FXYD4: variants seen among roughly 807,000 people sequenced by gnomAD.
The protein encoded by FXYD4 is FXYD domain containing ion transport regulator 4, also known as FXYD domain-containing ion transport regulator 4.
Under a neutral mutation model 18.3 loss-of-function variants are expected in FXYD4, and 14 were observed. That is an observed-to-expected ratio of 0.77 (90% CI 0.51 to 1.20). The LOEUF (loss-of-function observed/expected upper bound fraction) is 1.20. Ranked by LOEUF, FXYD4 falls within the 50% of genes most tolerant of loss-of-function variation. The pLI, the probability that FXYD4 is intolerant of heterozygous loss-of-function variation, is 0.00. For synonymous variants in FXYD4, 40 were observed against 40.5 expected (o/e 0.99, Z 0.04); for missense variants, 99 against 106.1 (o/e 0.93, Z 0.29).
Position 43,373,784 on chromosome 10 carries a change from G to T in FXYD4, c.37+1G>T, listed in dbSNP as rs769157659. 7 of 1,604,550 alleles carry T rather than the reference G, an allele frequency of 4.4e-6. No individual in the cohort carries two copies. The African/African-American group carries it at 6.7e-5, about 15-fold the overall frequency. On this transcript the variant is annotated splice_donor_variant, in intron 3 of 8. Coordinates refer to ENST00000476166, the MANE Select transcript of FXYD4 (RefSeq NM_173160.3). LOFTEE classifies it high-confidence loss of function. ...ACCCTGGCCCTTCTCCTACTGGCAG[G>T]TGAGTCCTCCCAGTCTCCTGGGACC...
rs985081431 is a variant in FXYD4, at chr10:43,374,664, A to C, written c.97+25A>C. The C allele has an allele frequency of 5.7e-6, 9 of 1,586,114 alleles. No individual in the cohort carries two copies. The African/African-American group carries it at 1.1e-4, about 19-fold the overall frequency. On this transcript the variant is annotated intron_variant, in intron 5 of 8. Transcript: ENST00000476166. ...GGTAAGAGCTGATATTCCCACCCCC[A>C]CCCTACCCTTGCCTATCCTGGACCT...
intron 1 of FXYD4, among the ~76,000 whole-genome samples, chr10:43,372,096 T>C (rs1329327837): frequency 6.6e-6 from 1 of 151,286 alleles, no homozygotes; most frequent in Admixed American, 6.6e-5. Flanking sequence ...AAATGTGACC[T>C]AGAGTTGAGA....
intron 7 of FXYD4, 143 bp downstream of exon 7, chr10:43,375,877 CA>C: frequency 8.3e-7 from 1 of 1,211,912 alleles, no homozygotes; most frequent in Non-Finnish European, 1.2e-6. Context: ...TGAAGGGCCC[CA>C]GTCAGGAAAG....
At chr10:43,375,985 G>A in intron 7 of FXYD4, 47 bp from the exon 8 acceptor site, 1 of 1,599,096 alleles carries the variant, frequency 6.3e-7, no homozygotes, top group Non-Finnish European at 8.6e-7. Flanking sequence ...AGGGGAGAAG[G>A]TCCTCCAGGC....
chr10:43,373,153 T>C (rs1174332524), intron 2 of FXYD4, among the ~76,000 whole-genome samples: 1 of 152,044 alleles, frequency 6.6e-6, no homozygotes, highest in Non-Finnish European at 1.5e-5. Flanking sequence ...CTTGCTTTTG[T>C]GGAGGCTCTC....
chr10:43,373,680 GAT>G lies in FXYD4; in HGVS notation c.-66_-65del, dbSNP rs1382841493. ...CCAATTGAGCTGTGAGCCTGGAGCA[GAT>G]CCGTGGGCTGCAGACCCCCGCCCCA... On this transcript the variant is annotated 5_prime_UTR_variant, in exon 3 of 9. The change abolishes the stop of an existing upstream ORF in the 5' untranslated region. Transcript: ENST00000476166. The G allele has an allele frequency of 9.8e-6, 9 of 917,004 alleles. No homozygotes were observed. In the East Asian group the frequency reaches 1.9e-4, roughly 19 times the overall value. 56.8% of individuals were successfully genotyped at this position (917,004 alleles called of 1,614,324 possible).
At position 43,374,459 on chromosome 10, in the gene FXYD4, C is replaced by T. The variant is rs1477059115; in HGVS notation, c.38-11C>T. On this transcript the variant is annotated splice_polypyrimidine_tract_variant and intron_variant, in intron 3 of 8. Transcript: ENST00000476166. ...GAATTCCCACACATTTTCTCTGCTC[C>T]TCCCACACAGGCCTGACTGCCTTGG... The T allele has an allele frequency of 1.2e-6, 2 of 1,613,792 alleles. No individual in the cohort carries two copies. The highest frequency in any genetic ancestry group is 1.7e-5 in the Admixed American group (1 of 59,996).
At chr10:43,375,019 T>A (rs1588981401) in intron 5 of FXYD4, among the ~76,000 whole-genome samples, 1 of 140,928 alleles carries the variant, frequency 7.1e-6, no homozygotes, top group Non-Finnish European at 1.5e-5. Context: ...GCATGTCCAC[T>A]TCTTTTTTTT....
chr10:43,373,826 A>C (rs760565245), intron 3 of FXYD4, 43 bp downstream of exon 3: 1 of 1,384,604 alleles, frequency 7.2e-7, no homozygotes, highest in African/African-American at 1.4e-5. Flanking sequence ...CATTCACCCC[A>C]CCCACAAAGG....
intron 3 of FXYD4, 38 bp from the exon 4 acceptor site, chr10:43,374,432 A>T: frequency 6.2e-7 from 1 of 1,610,260 alleles, no homozygotes; most frequent in Non-Finnish European, 8.5e-7. Flanking sequence ...CACCAGTGTC[A>T]TGAATTCCCA....
chr10:43,375,403 G>C, intron 5 of FXYD4, 96 bp from the exon 6 acceptor site: 1 of 876,284 alleles, frequency 1.1e-6, no homozygotes, highest in Non-Finnish European at 1.9e-6. Flanking sequence ...TTATGTATAT[G>C]GCAGCGGCTG....
chr10:43,373,233 G>A (rs1011869581), intron 2 of FXYD4, among the ~76,000 whole-genome samples: 1 of 151,990 alleles, frequency 6.6e-6, no homozygotes, highest in African/African-American at 2.4e-5. Flanking sequence ...AATAGCCTGG[G>A]GCCTGATAAC....
rs1263913567 is a variant in FXYD4 at position 43,374,640 on chromosome 10, G to A, written c.97+1G>A. Reference sequence around the variant, plus strand: ...AATAAAGACGATCCCTTCTACTATGGTAAGAGCTGATATTCCCACCCCCAC... The same window carrying A: ...AATAAAGACGATCCCTTCTACTATGATAAGAGCTGATATTCCCACCCCCAC... On this transcript the variant is annotated splice_donor_variant, in intron 5 of 8. Transcript: ENST00000476166. LOFTEE classifies it high-confidence loss of function. 1.9e-6 allele frequency: 3 copies of A among 1,612,460 alleles called. No homozygotes were observed. Among genetic ancestry groups the A allele is most frequent in the African/African-American group, 2.7e-5 (2 of 74,846 alleles).
In FXYD4 at chr10:43,373,649, C is replaced by A. The variant is rs10899795; in HGVS notation, c.-98C>A. ...GCCTGCCCCCGCCCCTGCCTCCTCT[C>A]GCTGACCAATTGAGCTGTGAGCCTG... On this transcript the variant is annotated 5_prime_UTR_variant, in exon 3 of 9. Coordinates refer to ENST00000476166, the MANE Select transcript of FXYD4 (RefSeq NM_173160.3). 220,848 of 786,940 alleles carry A rather than the reference C, an allele frequency of 0.28. 33,873 individuals are homozygous for A. Among genetic ancestry groups the A allele is most frequent in the African/African-American group, 0.49 (28,989 of 59,444 alleles). 48.7% of individuals were successfully genotyped at this position (786,940 alleles called of 1,614,324 possible).
chr10:43,371,840 C>T (rs193175070), intron 1 of FXYD4, 143 bp downstream of exon 1: 1 of 152,222 alleles, frequency 6.6e-6, no homozygotes, highest in East Asian at 1.9e-4. Flanking sequence ...CACCCACTAT[C>T]ATATGGATGG....
At position 43,375,514 on chromosome 10, in the gene FXYD4, A is replaced by C; in HGVS notation, c.113A>C (p.Gln38Pro). ...DPFYYDWKNLQLSGLICGGLL... is the reference protein window; with the variant it reads ...DPFYYDWKNLPLSGLICGGLL... ...CCCACCCCAGACTGGAAAAACCTGC[A>C]GCTGAGCGGACTGATCTGCGGAGGG... The change falls in exon 6 of 9, where the codon CAG (glutamine) becomes CCG (proline). Residue 38 changes from glutamine (Q) to proline (P), a missense_variant. Gln to Pro is a moderately conservative substitution (Grantham distance 76, BLOSUM62 -1). Transcript: ENST00000476166. The C allele has an allele frequency of 6.2e-7, 1 of 1,613,898 alleles. No homozygotes were observed.
At chr10:43,375,013 G>A (rs1837851636) in intron 5 of FXYD4, among the ~76,000 whole-genome samples, 1 of 144,420 alleles carries the variant, frequency 6.9e-6, no homozygotes, top group Non-Finnish European at 1.5e-5. Context: ...CTTTGCGCAT[G>A]TCCACTTCTT....
At position 43,373,584 on chromosome 10, in the gene FXYD4, A is replaced by G. The variant is rs1471633618; in HGVS notation, c.-163A>G. On this transcript the variant is annotated 5_prime_UTR_variant, in exon 3 of 9. Transcript: ENST00000476166. ...CCAAGATCTCCCCACAAGCAAGTGT[A>G]TCCTTGGGGTTTGTACACCTACTTT... 5 of 657,360 alleles carry G rather than the reference A, an allele frequency of 7.6e-6. No individual in the cohort carries two copies. Among genetic ancestry groups the G allele is most frequent in the African/African-American group, 1.8e-5 (1 of 56,156 alleles). 40.7% of individuals were successfully genotyped at this position (657,360 alleles called of 1,614,324 possible).
rs1837834101 is a variant in FXYD4, at chr10:43,373,633, C to T, written c.-114C>T. On this transcript the variant is annotated 5_prime_UTR_variant, in exon 3 of 9. Coordinates refer to ENST00000476166, the MANE Select transcript of FXYD4 (RefSeq NM_173160.3). ...TTCACCATGGGGCTCTGCCTGCCCCCGCCCCTGCCTCCTCTCGCTGACCAA... is the reference window on the plus strand; with the variant it reads ...TTCACCATGGGGCTCTGCCTGCCCCTGCCCCTGCCTCCTCTCGCTGACCAA... 7.9e-6 allele frequency: 6 copies of T among 755,862 alleles called. No homozygotes were observed. The highest frequency in any genetic ancestry group is 2.4e-4 in the Middle Eastern group (1 of 4,154). 46.8% of individuals were successfully genotyped at this position (755,862 alleles called of 1,614,324 possible). A position where few individuals can be genotyped will look rare whatever the true frequency, so the allele number is the denominator to read the frequency against.
Sources: gnomAD v4.1 joint callset for allele counts (sites outside exome capture counted in the v4.1 genomes callset) on GRCh38, gnomAD v4.1.1 for gene constraint, MANE v1.5 for transcripts, NCBI Gene and HGNC (gene_info 2026-07-23, HGNC 2026-07-21) for gene names.